The following BNC2 variants were observed in gnomAD, a reference collection of about 807,000 sequenced individuals.
The protein encoded by BNC2 is basonuclin zinc finger protein 2, also known as zinc finger protein basonuclin-2.
BNC2 carries 20 observed loss-of-function variants against 76.3 expected under a neutral mutation model. The ratio of observed to expected loss-of-function variants is 0.26; its 90% CI spans 0.18 to 0.38. The LOEUF is 0.38. BNC2 is among the 10% of genes least tolerant of loss of function. BNC2 has a pLI of 1.00. For missense variants in BNC2, 1,382 were observed against 1,399.8 expected (o/e 0.99, Z 0.20); for synonymous variants, 582 against 514.8 (o/e 1.13, Z -1.77).
intron 3 of BNC2, among the ~76,000 whole-genome samples, chr9:16,601,498 A>C (rs577995391): frequency 1.3e-5 from 2 of 152,200 alleles, no homozygotes; most frequent in African/African-American, 4.8e-5. Context: ...TTGCAAGAGA[A>C]GTAAGCAGTT....
At chr9:16,691,936 G>A (rs771754160) in intron 3 of BNC2, among the ~76,000 whole-genome samples, 7 of 151,574 alleles carry the variant, frequency 4.6e-5, no homozygotes, top group South Asian at 2.1e-4. Flanking sequence ...TCATTCTCCC[G>A]AGTAGCTGGG....
At chr9:16,716,657 G>A (rs181997777) in intron 3 of BNC2, among the ~76,000 whole-genome samples, 110 of 152,276 alleles carry the variant, frequency 7.2e-4, no homozygotes, top group African/African-American at 2.6e-3. Flanking sequence ...TATTACTACA[G>A]TACAGAAATG....
At chr9:16,608,622 C>G (rs986133231) in intron 3 of BNC2, among the ~76,000 whole-genome samples, 2 of 152,156 alleles carry the variant, frequency 1.3e-5, no homozygotes, top group African/African-American at 4.8e-5. Flanking sequence ...CTTCCTGCCT[C>G]AGCCTCCCAA....
chr9:16,807,259 T>C (rs1485038936), intron 1 of BNC2, among the ~76,000 whole-genome samples: 1 of 152,150 alleles, frequency 6.6e-6, no homozygotes, highest in East Asian at 1.9e-4. Flanking sequence ...TAATGGCAAA[T>C]GCATTAAATG....
chr9:16,683,987 C>T (rs1276587067), intron 3 of BNC2, among the ~76,000 whole-genome samples: 2 of 152,166 alleles, frequency 1.3e-5, no homozygotes, highest in Admixed American at 6.5e-5. Flanking sequence ...AACTATCAAC[C>T]CCACAATCTG....
chr9:16,589,172 T>C (rs1343093428), intron 3 of BNC2, among the ~76,000 whole-genome samples: 1 of 151,942 alleles, frequency 6.6e-6, no homozygotes, highest in East Asian at 1.9e-4. Context: ...CTCCCATACA[T>C]AACTAAAAAA....
At chr9:16,835,186 A>T (rs908495803) in intron 1 of BNC2, among the ~76,000 whole-genome samples, 2 of 152,244 alleles carry the variant, frequency 1.3e-5, no homozygotes, top group African/African-American at 4.8e-5. Flanking sequence ...ATATAATAGC[A>T]AACATTATTC....
At chr9:16,762,386 T>G (rs1311515583) in intron 1 of BNC2, among the ~76,000 whole-genome samples, 1 of 152,142 alleles carries the variant, frequency 6.6e-6, no homozygotes, top group Non-Finnish European at 1.5e-5. Flanking sequence ...TTCTCTTTCC[T>G]AGTAAAACAG....
intron 3 of BNC2, among the ~76,000 whole-genome samples, chr9:16,698,728 C>T (rs140785127): frequency 7.4e-4 from 113 of 151,914 alleles, no homozygotes; most frequent in Non-Finnish European, 1.5e-3. Context: ...CCTATATTTA[C>T]GGACATGGAA....
At chr9:16,728,060 TAAG>T (rs1229621347) in intron 2 of BNC2, 63 bp from the exon 3 acceptor site, 3 of 1,218,580 alleles carry the variant, frequency 2.5e-6, no homozygotes, top group East Asian at 4.3e-5. Flanking sequence ...GTAGTGTAGT[TAAG>T]AAGCTGGCTG....
intron 1 of BNC2, among the ~76,000 whole-genome samples, chr9:16,754,768 G>C (rs1054529556): frequency 2.0e-5 from 3 of 152,226 alleles, no homozygotes; most frequent in African/African-American, 7.2e-5. Context: ...ATCTTGGCCA[G>C]GCTGCTCTCG....
intron 5 of BNC2, among the ~76,000 whole-genome samples, chr9:16,523,656 G>A (rs1043203247): frequency 2.0e-5 from 3 of 152,104 alleles, no homozygotes; most frequent in Admixed American, 6.5e-5. Flanking sequence ...GGCCCAGCGC[G>A]GTGGCTCACA....
intron 3 of BNC2, among the ~76,000 whole-genome samples, chr9:16,633,941 T>C (rs1051875733): frequency 6.6e-6 from 1 of 152,200 alleles, no homozygotes; most frequent in African/African-American, 2.4e-5. Flanking sequence ...AAAATAATGC[T>C]TACTCTAGGC....
intron 5 of BNC2, among the ~76,000 whole-genome samples, chr9:16,447,188 T>C (rs1465372377): frequency 2.6e-5 from 4 of 152,124 alleles, no homozygotes; most frequent in Non-Finnish European, 5.9e-5. Flanking sequence ...ATACCAATCT[T>C]TAAAATCAAA....
intron 1 of BNC2, among the ~76,000 whole-genome samples, chr9:16,821,609 C>T (rs186993616): frequency 1.3e-5 from 2 of 152,252 alleles, no homozygotes; most frequent in East Asian, 1.9e-4. Context: ...ACATATCAGG[C>T]TAAACTGTAG....
intron 6 of BNC2, 116 bp from the exon 7 acceptor site, chr9:16,419,765 C>T: frequency 2.8e-6 from 2 of 718,392 alleles, no homozygotes; most frequent in Non-Finnish European, 4.9e-6. Flanking sequence ...AGCACATTCA[C>T]TTCTAATTAC....
intron 6 of BNC2, chr9:16,435,181 T>C (rs968028212): frequency 7.7e-6 from 3 of 391,448 alleles, no homozygotes; most frequent in African/African-American, 4.3e-5. Flanking sequence ...AATATAAATA[T>C]ATAAATATAT....
At chr9:16,571,688 A>G (rs1384913702) in intron 4 of BNC2, among the ~76,000 whole-genome samples, 1 of 152,066 alleles carries the variant, frequency 6.6e-6, no homozygotes, top group Non-Finnish European at 1.5e-5. Flanking sequence ...AAGCAATGGC[A>G]TTAATGTAAT....
chr9:16,498,558 G>A (rs1263525830), intron 5 of BNC2, among the ~76,000 whole-genome samples: 3 of 151,230 alleles, frequency 2.0e-5, no homozygotes, highest in Non-Finnish European at 2.9e-5. Context: ...CTACAAATAT[G>A]GTACAGTGTA....
Sources: gnomAD v4.1 joint callset for allele counts (sites outside exome capture counted in the v4.1 genomes callset) on GRCh38, gnomAD v4.1.1 for gene constraint, MANE v1.5 for transcripts, NCBI Gene and HGNC (gene_info 2026-07-23, HGNC 2026-07-21) for gene names.